Variants in TTC17 observed in about 807,000 individuals in gnomAD.
TTC17 encodes tetratricopeptide repeat domain 17.
TTC17 carries 58 observed loss-of-function variants against 143.8 expected under a neutral mutation model. The ratio of observed to expected loss-of-function variants is 0.40; its 90% CI spans 0.33 to 0.50. The LOEUF (loss-of-function observed/expected upper bound fraction) is 0.50. Among genes scored for constraint, TTC17 ranks in the 20% least tolerant of loss-of-function variants. The pLI, the probability that TTC17 is intolerant of heterozygous loss-of-function variation, is 0.49. For missense variants in TTC17, 1,273 were observed against 1,392.5 expected (o/e 0.91, Z 1.37); for synonymous variants, 501 against 497.8 (o/e 1.01, Z -0.09).
rs184077874 is a variant in TTC17, at chr11:43,363,621, C to T, written c.159+4508C>T. ...TCTTTGTCACTATTTCCCTCTTCTC[C>T]AATCTTACTTAGAACTGTGGACTTT... On this transcript the variant is annotated intron_variant, in intron 1 of 23. Coordinates refer to ENST00000039989, the MANE Select transcript of TTC17 (RefSeq NM_018259.6). Among the ~76,000 whole-genome samples, 190 of 152,308 alleles carry T rather than the reference C, an allele frequency of 1.2e-3. 1 individual carries two copies. The highest frequency in any genetic ancestry group is 4.2e-3 in the African/African-American group (176 of 41,576).
intron 20 of TTC17, 103 bp downstream of exon 20, chr11:43,450,344 A>G: frequency 1.5e-6 from 2 of 1,348,002 alleles, no homozygotes; most frequent in South Asian, 1.7e-5. Flanking sequence ...AAAAAAAAAT[A>G]GGGGCTTTTT....
intron 16 of TTC17, among the ~76,000 whole-genome samples, chr11:43,419,945 T>G (rs569341606): frequency 1.3e-5 from 2 of 152,328 alleles, no homozygotes; most frequent in South Asian, 4.2e-4. Context: ...ATTGCAGATT[T>G]TAAAATCCTG....
At chr11:43,485,309 T>C (rs1948361168) in intron 21 of TTC17, among the ~76,000 whole-genome samples, 2 of 152,180 alleles carry the variant, frequency 1.3e-5, no homozygotes, top group African/African-American at 4.8e-5. Flanking sequence ...CTGGGGCAAT[T>C]GCTTACTTAA....
chr11:43,486,515 G>C (rs1490696011), intron 21 of TTC17: 6 of 397,804 alleles, frequency 1.5e-5, no homozygotes, highest in African/African-American at 4.1e-5. Context: ...GTATATTGTT[G>C]AGTCAAGTAT....
intron 1 of TTC17, among the ~76,000 whole-genome samples, chr11:43,371,965 C>T (rs978687951): frequency 3.9e-5 from 6 of 152,082 alleles, no homozygotes; most frequent in African/African-American, 1.4e-4. Flanking sequence ...CCAGTTACTC[C>T]GGAGGCTGAG....
intron 5 of TTC17, 138 bp downstream of exon 5, chr11:43,392,090 G>A (rs1857412795): frequency 5.0e-6 from 5 of 1,008,250 alleles, no homozygotes; most frequent in Non-Finnish European, 7.0e-6. Context: ...TTACATTGAT[G>A]CAAATTGCAT....
At chr11:43,441,032 G>A (rs987805321) in intron 16 of TTC17, among the ~76,000 whole-genome samples, 1 of 151,692 alleles carries the variant, frequency 6.6e-6, no homozygotes, top group African/African-American at 2.4e-5. Context: ...CACTTAGAGA[G>A]CCTGAGGTGG....
chr11:43,409,972 G>T (rs1424580686), intron 15 of TTC17, among the ~76,000 whole-genome samples: 2 of 151,926 alleles, frequency 1.3e-5, no homozygotes. Context: ...CTCTGGAGTA[G>T]TTGGGATTTC....
At chr11:43,482,827 C>T (rs1329408611) in intron 21 of TTC17, among the ~76,000 whole-genome samples, 2 of 151,820 alleles carry the variant, frequency 1.3e-5, no homozygotes, top group South Asian at 2.1e-4. Flanking sequence ...TGTAAGTTTT[C>T]GATTTGTGTA....
intron 2 of TTC17, among the ~76,000 whole-genome samples, chr11:43,384,426 C>T (rs146128156): frequency 4.4e-4 from 67 of 152,272 alleles, no homozygotes; most frequent in African/African-American, 1.3e-3. Flanking sequence ...GGGGTCGAGG[C>T]GGGCAGATTG....
At chr11:43,483,153 A>G (rs1948318856) in intron 21 of TTC17, among the ~76,000 whole-genome samples, 1 of 150,724 alleles carries the variant, frequency 6.6e-6, no homozygotes, top group South Asian at 2.1e-4. Flanking sequence ...AACCTGAAGA[A>G]TCTCATAATT....
At position 43,429,057 on chromosome 11, in the gene TTC17, C is replaced by G. The variant is rs138381118; in HGVS notation, c.2252-14268C>G. ...TGTTCAAATAATTTCTTTTTTCTTT[C>G]CCAAATAGAGGATAGAACAGGGCAG... On this transcript the variant is annotated intron_variant, in intron 16 of 23. Transcript: ENST00000039989. Among the ~76,000 whole-genome samples, 687 of 152,218 alleles carry G rather than the reference C, an allele frequency of 4.5e-3. 4 individuals are homozygous for G. Among genetic ancestry groups the G allele is most frequent in the African/African-American group, 0.016 (646 of 41,540 alleles).
At chr11:43,394,437 G>A (rs911954731) in intron 5 of TTC17, among the ~76,000 whole-genome samples, 4 of 152,244 alleles carry the variant, frequency 2.6e-5, no homozygotes, top group African/African-American at 9.6e-5. Flanking sequence ...TGTTGCAGTA[G>A]TTCAAGAGAG....
intron 16 of TTC17, among the ~76,000 whole-genome samples, chr11:43,432,849 GTTC>G (rs1179216448): frequency 6.6e-6 from 1 of 152,164 alleles, no homozygotes; most frequent in Non-Finnish European, 1.5e-5. Flanking sequence ...GAAATTTTAA[GTTC>G]TTCTGAAATA....
At chr11:43,469,036 GAC>G (rs1379610411) in intron 21 of TTC17, among the ~76,000 whole-genome samples, 6 of 152,128 alleles carry the variant, frequency 3.9e-5, no homozygotes, top group African/African-American at 9.7e-5. Flanking sequence ...TTTTTAAAAA[GAC>G]AACGCAATTT....
At chr11:43,387,613 C>T (rs1857217143) in intron 2 of TTC17, among the ~76,000 whole-genome samples, 2 of 152,186 alleles carry the variant, frequency 1.3e-5, no homozygotes, top group African/African-American at 4.8e-5. Context: ...ATCCATAAGA[C>T]AGGACCTAGG....
chr11:43,451,018 G>A (rs1392330078), intron 20 of TTC17, among the ~76,000 whole-genome samples, 164 bp from the exon 21 acceptor site: 1 of 152,112 alleles, frequency 6.6e-6, no homozygotes, highest in Admixed American at 6.5e-5. Context: ...TGATAAAACA[G>A]CCTTAAATGT....
At chr11:43,440,110 C>G (rs939109598) in intron 16 of TTC17, among the ~76,000 whole-genome samples, 2 of 152,338 alleles carry the variant, frequency 1.3e-5, no homozygotes, top group Middle Eastern at 3.4e-3. Context: ...TGAGATCTCT[C>G]TACAATCCAG....
At chr11:43,389,068 G>T (rs1295518804) in intron 2 of TTC17, among the ~76,000 whole-genome samples, 1 of 151,192 alleles carries the variant, frequency 6.6e-6, no homozygotes, top group Non-Finnish European at 1.5e-5. Context: ...AGCCCAGGAG[G>T]TCGAGGCTGC....
Sources: gnomAD v4.1 joint callset for allele counts (sites outside exome capture counted in the v4.1 genomes callset) on GRCh38, gnomAD v4.1.1 for gene constraint, MANE v1.5 for transcripts, NCBI Gene and HGNC (gene_info 2026-07-23, HGNC 2026-07-21) for gene names.